The following ATF6 variants were observed in gnomAD, a reference collection of about 807,000 sequenced individuals.
The protein encoded by ATF6 is cyclic AMP-dependent transcription factor ATF-6 alpha.
ATF6 carries 53 observed loss-of-function variants against 83.6 expected under a neutral mutation model. The observed-to-expected ratio is 0.63, with a 90% CI of 0.51 to 0.80. The LOEUF (loss-of-function observed/expected upper bound fraction) is 0.80. Ranked by LOEUF, ATF6 falls within the 30% of genes least tolerant of loss-of-function variation. The pLI is 0.00. For missense variants in ATF6, 744 were observed against 797.9 expected (o/e 0.93, Z 0.81); for synonymous variants, 288 against 285.8 (o/e 1.01, Z -0.08).
intron 7 of ATF6, among the ~76,000 whole-genome samples, chr1:161,814,141 C>T (rs1236460733): frequency 2.0e-5 from 3 of 152,208 alleles, no homozygotes; most frequent in Non-Finnish European, 4.4e-5. Context: ...GCCTTGGCCT[C>T]CCAAAGTGCT....
chr1:161,932,983 A>G (rs1688464246), intron 15 of ATF6, among the ~76,000 whole-genome samples: 2 of 152,216 alleles, frequency 1.3e-5, no homozygotes, highest in African/African-American at 4.8e-5. Flanking sequence ...CACAATAGCA[A>G]CACAAGAGAG....
intron 6 of ATF6, among the ~76,000 whole-genome samples, chr1:161,794,480 G>A (rs1219867290): frequency 6.6e-6 from 1 of 152,014 alleles, no homozygotes; most frequent in African/African-American, 2.4e-5. Flanking sequence ...TGTTATTGTT[G>A]TTTGTTTGTT....
At chr1:161,922,616 A>G (rs1403938542) in intron 15 of ATF6, among the ~76,000 whole-genome samples, 2 of 151,936 alleles carry the variant, frequency 1.3e-5, no homozygotes, top group Non-Finnish European at 2.9e-5. Context: ...TTGGGTAATG[A>G]GGGGATAACA....
At chr1:161,927,881 A>T (rs527259569) in intron 15 of ATF6, among the ~76,000 whole-genome samples, 1 of 152,382 alleles carries the variant, frequency 6.6e-6, no homozygotes, top group East Asian at 1.9e-4. Context: ...AGTAGAAATG[A>T]GTAAAATTAA....
rs1271865415 is a variant in ATF6 at position 161,963,921 on chromosome 1, G to A, written c.*5267G>A. 6.6e-6 allele frequency: 1 copy of A among 152,116 alleles called. No homozygotes were observed. Among genetic ancestry groups the A allele is most frequent in the Non-Finnish European group, 1.5e-5 (1 of 68,020 alleles). 9.4% of individuals were successfully genotyped at this position (152,116 alleles called of 1,614,324 possible). ...CAATTGAAGAACGTGTTAAAGATGA[G>A]GAGGAGAGATGTACCATTCTCTCCC... On this transcript the variant is annotated 3_prime_UTR_variant, in exon 16 of 16. Transcript: ENST00000367942.
In ATF6 at chr1:161,958,479, T is replaced by C. The variant is rs781760776; in HGVS notation, c.1838T>C (p.Met613Thr). The C allele has an allele frequency of 4.3e-6, 7 of 1,612,412 alleles. No homozygotes were observed. Among genetic ancestry groups the C allele is most frequent in the African/African-American group, 1.3e-5 (1 of 74,928 alleles). Reference sequence around the variant, plus strand: ...ATCAATGGGCAGGACTACGAAGTGATGATGCAGATTGACTGTCAGGTGATG... The same window carrying C: ...ATCAATGGGCAGGACTACGAAGTGACGATGCAGATTGACTGTCAGGTGATG... ...NVINGQDYEV[M>T]MQIDCQVMDT... Residue 613 changes from methionine to threonine, a missense_variant, in exon 16 of 16, where the codon ATG becomes ACG. Transcript: ENST00000367942.
intron 14 of ATF6, among the ~76,000 whole-genome samples, chr1:161,898,322 A>C (rs941360820): frequency 2.6e-5 from 4 of 152,132 alleles, no homozygotes; most frequent in Non-Finnish European, 5.9e-5. Flanking sequence ...TTATAAACCA[A>C]ATAGAGGGTA....
intron 15 of ATF6, among the ~76,000 whole-genome samples, chr1:161,936,241 T>C (rs537164296): frequency 6.6e-6 from 1 of 152,358 alleles, no homozygotes; most frequent in South Asian, 2.1e-4. Flanking sequence ...GCAGTTATAT[T>C]TCACCTTTGA....
chr1:161,937,357 A>T (rs550985280), intron 15 of ATF6, among the ~76,000 whole-genome samples: 1 of 151,462 alleles, frequency 6.6e-6, no homozygotes, highest in African/African-American at 2.4e-5. Context: ...TAAAAAAAAA[A>T]AAAAAAAAAA....
At chr1:161,821,261 T>C (rs1238354589) in intron 9 of ATF6, 100 bp downstream of exon 9, 1 of 816,094 alleles carries the variant, frequency 1.2e-6, no homozygotes, top group Non-Finnish European at 1.9e-6. Flanking sequence ...TGATTTGTTT[T>C]TCAAGATGTG....
chr1:161,773,680 G>A (rs1310725749), intron 1 of ATF6, among the ~76,000 whole-genome samples: 1 of 152,158 alleles, frequency 6.6e-6, no homozygotes, highest in Non-Finnish European at 1.5e-5. Flanking sequence ...GCAAGGTGGA[G>A]GTGAGGTGGG....
At position 161,962,175 on chromosome 1, in the gene ATF6, G is replaced by A. The variant is rs530206598; in HGVS notation, c.*3521G>A. 2.2e-4 allele frequency: 34 copies of A among 151,862 alleles called. No homozygotes were observed. The highest frequency in any genetic ancestry group is 7.7e-4 in the African/African-American group (32 of 41,380). 9.4% of individuals were successfully genotyped at this position (151,862 alleles called of 1,614,324 possible). ...TCCAGCACAAAACTGGCATTTCTTTGCCATTTCTTGCCAGTAAGAAGTTGA... is the reference window on the plus strand; with the variant it reads ...TCCAGCACAAAACTGGCATTTCTTTACCATTTCTTGCCAGTAAGAAGTTGA... On this transcript the variant is annotated 3_prime_UTR_variant, in exon 16 of 16. Coordinates refer to ENST00000367942, the MANE Select transcript of ATF6 (RefSeq NM_007348.4).
chr1:161,872,944 G>A (rs1213292493), intron 14 of ATF6, among the ~76,000 whole-genome samples: 1 of 151,432 alleles, frequency 6.6e-6, no homozygotes, highest in Non-Finnish European at 1.5e-5. Context: ...AAGGACTATT[G>A]TAGTTAGTTT....
chr1:161,819,453 A>G (rs1685697009), intron 7 of ATF6, among the ~76,000 whole-genome samples, 180 bp from the exon 8 acceptor site: 1 of 152,230 alleles, frequency 6.6e-6, no homozygotes, highest in African/African-American at 2.4e-5. Context: ...GCCTTATTTA[A>G]TCATTTGATT....
chr1:161,872,286 C>T (rs893474497), intron 14 of ATF6, among the ~76,000 whole-genome samples: 2 of 151,664 alleles, frequency 1.3e-5, no homozygotes, highest in African/African-American at 4.8e-5. Flanking sequence ...CCAAGAAAGT[C>T]TGGCTCTATG....
chr1:161,784,035 C>G lies in ATF6; in HGVS notation c.293C>G (p.Ser98Ter). 6.2e-7 allele frequency: 1 copy of G among 1,613,864 alleles called. No homozygotes were observed. Among genetic ancestry groups the G allele is most frequent in the African/African-American group, 1.3e-5 (1 of 75,032 alleles). The change falls in exon 4 of 16, where the codon TCA (serine) becomes TGA (stop). Residue 98 changes from serine (S) to a stop codon, truncating the protein, a stop_gained. Transcript: ENST00000367942. LOFTEE classifies it high-confidence loss of function. ...AEPQPLSPAS[S>*]SYSVSSPRSV... Reference sequence around the variant, plus strand: ...CCTCAGCCACTTTCTCCAGCCTCCTCAAGTTATTCAGTCTCGTCTCCTCGG... The same window carrying G: ...CCTCAGCCACTTTCTCCAGCCTCCTGAAGTTATTCAGTCTCGTCTCCTCGG...
chr1:161,902,181 A>G (rs1450005678), intron 14 of ATF6, among the ~76,000 whole-genome samples: 3 of 152,180 alleles, frequency 2.0e-5, no homozygotes, highest in Non-Finnish European at 2.9e-5. Context: ...AATAACAATA[A>G]TTCGCCATTA....
chr1:161,962,891 G>C lies in ATF6; in HGVS notation c.*4237G>C, dbSNP rs1689130157. On this transcript the variant is annotated 3_prime_UTR_variant, in exon 16 of 16. Transcript: ENST00000367942. Reference sequence around the variant, plus strand: ...CACAAATGTTATTTTCATCAGTCCTGAGTCATTTTAACTTACAGAAATTAG... The same window carrying C: ...CACAAATGTTATTTTCATCAGTCCTCAGTCATTTTAACTTACAGAAATTAG... 1 of 152,150 alleles carries C rather than the reference G, an allele frequency of 6.6e-6. No homozygotes were observed. The highest frequency in any genetic ancestry group is 2.4e-5 in the African/African-American group (1 of 41,422). The allele number at this position is 152,150 out of a possible 1,614,324, so 9.4% of individuals were successfully genotyped here.
At chr1:161,794,350 G>A (rs537343128) in intron 6 of ATF6, among the ~76,000 whole-genome samples, 1 of 152,296 alleles carries the variant, frequency 6.6e-6, no homozygotes, top group East Asian at 1.9e-4. Flanking sequence ...GTTAATACTA[G>A]TAGTAAATAT....
Sources: gnomAD v4.1 joint callset for allele counts (sites outside exome capture counted in the v4.1 genomes callset) on GRCh38, gnomAD v4.1.1 for gene constraint, MANE v1.5 for transcripts, NCBI Gene and HGNC (gene_info 2026-07-23, HGNC 2026-07-21) for gene names.